The following GEMIN5 variants were observed in gnomAD, a reference collection of about 807,000 sequenced individuals.
The protein encoded by GEMIN5 is gem nuclear organelle associated protein 5, also known as gem-associated protein 5.
Under a neutral mutation model 176.9 loss-of-function variants are expected in GEMIN5, and 124 were observed. That is an observed-to-expected ratio of 0.70 (90% CI 0.61 to 0.81). The LOEUF (loss-of-function observed/expected upper bound fraction) is 0.81, where lower values mean the gene tolerates loss of function less well. Ranked by LOEUF, GEMIN5 falls within the 40% of genes least tolerant of loss-of-function variation. GEMIN5 has a pLI of 0.00. For missense variants in GEMIN5, 1,843 were observed against 1,814.6 expected, an observed-to-expected ratio of 1.02 and a Z score of -0.28; for synonymous variants, 673 against 665.2, an observed-to-expected ratio of 1.01 and a Z score of -0.18.
intron 24 of GEMIN5, 36 bp downstream of exon 24, chr5:154,896,056 A>G: frequency 6.2e-7 from 1 of 1,606,196 alleles, no homozygotes; most frequent in South Asian, 1.1e-5. Context: ...CTTACCACTG[A>G]GTGATTAATG....
Position 154,901,462 on chromosome 5 carries a change from G to A in GEMIN5, c.2891C>T (p.Ala964Val), listed in dbSNP as rs1434181787. 2.5e-6 allele frequency: 4 copies of A among 1,613,962 alleles called. No homozygotes were observed. The highest frequency in any genetic ancestry group is 3.4e-6 in the Non-Finnish European group (4 of 1,179,896). The part of the protein sequence containing the change: ...PAAGYHVWLW[A>V]VEAFAKQLCF... ...CAGCTGTTTGGCAAAAGCTTCCACA[G>A]CCCATAGCCACACATGGTAGCCAGC... Residue 964 changes from alanine to valine, a missense_variant, in exon 21 of 28, where the codon GCT becomes GTT. Coordinates refer to ENST00000285873, the MANE Select transcript of GEMIN5 (RefSeq NM_015465.5).
chr5:154,926,497 A>C (rs968387352), intron 7 of GEMIN5, among the ~76,000 whole-genome samples: 2 of 152,340 alleles, frequency 1.3e-5, no homozygotes, highest in East Asian at 1.9e-4. Context: ...AGGAGTGGTA[A>C]ATTTTTAATC....
chr5:154,909,678 T>C (rs776551131), intron 15 of GEMIN5, among the ~76,000 whole-genome samples: 4 of 152,152 alleles, frequency 2.6e-5, no homozygotes, highest in Non-Finnish European at 5.9e-5. Flanking sequence ...TAGTTTTGCC[T>C]GTTGAAGAAT....
At chr5:154,907,470 A>C in intron 16 of GEMIN5, 121 bp downstream of exon 16, 1 of 679,600 alleles carries the variant, frequency 1.5e-6, no homozygotes, top group Non-Finnish European at 2.5e-6. Flanking sequence ...AAAAAAAACT[A>C]ATGCTGTTTC....
Position 154,891,776 on chromosome 5 carries a change from A to G in GEMIN5, c.3761-34T>C, listed in dbSNP as rs958851880. Reference sequence around the variant, plus strand: ...AGAGGAAAAAGATACTGGGTCATGCATTTCTCTAGTTGCCAGAAATGTGGC... The same window carrying G: ...AGAGGAAAAAGATACTGGGTCATGCGTTTCTCTAGTTGCCAGAAATGTGGC... On this transcript the variant is annotated intron_variant, in intron 25 of 27. Transcript: ENST00000285873. 7 of 1,535,548 alleles carry G rather than the reference A, an allele frequency of 4.6e-6. No individual in the cohort carries two copies. The Admixed American group carries it at 1.3e-4, about 29-fold the overall frequency.
intron 24 of GEMIN5, among the ~76,000 whole-genome samples, chr5:154,895,822 C>T (rs769747536): frequency 6.6e-6 from 1 of 151,912 alleles, no homozygotes; most frequent in Non-Finnish European, 1.5e-5. Flanking sequence ...TGGGAGGTGG[C>T]GGCTGCAGTG....
In GEMIN5 at chr5:154,917,051, G is replaced by A. The variant is rs115321488; in HGVS notation, c.1802C>T (p.Ala601Val). The A allele has an allele frequency of 1.7e-4, 278 of 1,608,176 alleles. No individual in the cohort carries two copies. The African/African-American group carries it at 3.2e-3, about 18-fold the overall frequency. The change falls in exon 13 of 28, where the codon GCC becomes GTC. Residue 601 changes from alanine to valine, a missense_variant. Ala to Val is a moderately conservative substitution (Grantham distance 64). Coordinates refer to ENST00000285873, the MANE Select transcript of GEMIN5 (RefSeq NM_015465.5). ...AATGACTGCATTGTTGGAGCCAGAG[G>A]CCATCAGATAGCTCAATTCTGGCTG... is the stretch of plus-strand genomic sequence containing the variant. ...GSQPELSYLM[A>V]SGSNNAVIYV...
At chr5:154,912,305 A>T (rs1763718605) in intron 14 of GEMIN5, among the ~76,000 whole-genome samples, 1 of 152,114 alleles carries the variant, frequency 6.6e-6, no homozygotes, top group Admixed American at 6.6e-5. Context: ...TAATTGGCCA[A>T]TTTCCTTTCT....
Position 154,898,558 on chromosome 5 carries a change from G to A in GEMIN5, c.3227C>T (p.Ala1076Val), listed in dbSNP as rs780308853. The change falls in exon 23 of 28, where the codon GCC (alanine) becomes GTC (valine). Residue 1076 changes from alanine (A) to valine (V), a missense_variant. Ala to Val is a moderately conservative substitution (Grantham distance 64, BLOSUM62 0). Transcript: ENST00000285873. ...AGACAACTCATCCTCTCCTACGATGGCAGCCAACTCTGCAGCCGTTCTAAG... is the reference window on the plus strand; with the variant it reads ...AGACAACTCATCCTCTCCTACGATGACAGCCAACTCTGCAGCCGTTCTAAG... ...ASLRTAAELA[A>V]IVGEDELSAS... 5 of 1,613,910 alleles carry A rather than the reference G, an allele frequency of 3.1e-6. No homozygotes were observed. The highest frequency in any genetic ancestry group is 4.2e-6 in the Non-Finnish European group (5 of 1,179,922).
Position 154,892,546 on chromosome 5 carries a change from G to A in GEMIN5, c.3601C>T (p.Leu1201=), listed in dbSNP as rs1331779551. ...ATNNTPAKQL[L]LHICHDLTLA... ...GTCAAGTCATGGCAAATGTGAAGCA[G>A]GAGCTGGAGAGAGAAGCCAGAGTCT... The change falls in exon 25 of 28, where the codon CTG becomes TTG. Residue 1201 remains leucine, a synonymous_variant. Transcript: ENST00000285873. The A allele has an allele frequency of 1.2e-6, 2 of 1,613,398 alleles. No homozygotes were observed. Among genetic ancestry groups the A allele is most frequent in the African/African-American group, 2.7e-5 (2 of 74,942 alleles).
At chr5:154,893,603 T>C (rs1007814545) in intron 24 of GEMIN5, among the ~76,000 whole-genome samples, 20 of 152,222 alleles carry the variant, frequency 1.3e-4, no homozygotes, top group African/African-American at 4.8e-4. Flanking sequence ...CTGCAGGCGA[T>C]CTCCTGGCCC....
intron 16 of GEMIN5, among the ~76,000 whole-genome samples, chr5:154,907,174 A>G (rs1327038135): frequency 1.3e-5 from 2 of 152,174 alleles, no homozygotes; most frequent in Non-Finnish European, 2.9e-5. Context: ...AGGGGGTGAG[A>G]GCTTGCAAGT....
intron 15 of GEMIN5, among the ~76,000 whole-genome samples, chr5:154,910,799 C>T (rs972368484): frequency 7.9e-5 from 12 of 152,076 alleles, no homozygotes; most frequent in African/African-American, 1.4e-4. Context: ...CCTGGCTTCA[C>T]GCCATTCTCC....
intron 26 of GEMIN5, among the ~76,000 whole-genome samples, chr5:154,889,682 CCT>C (rs1229860803): frequency 3.3e-5 from 5 of 152,186 alleles, no homozygotes; most frequent in African/African-American, 7.2e-5. Flanking sequence ...TCCCTTAGCC[CCT>C]GTCAACATTA....
In GEMIN5 at chr5:154,913,957, C is replaced by T. The variant is rs112530144; in HGVS notation, c.1856-919G>A. ...TGGAGACTGTCATGAGCTATAACTG[C>T]ACCACTACACTCCACCCTGAACAAT... On this transcript the variant is annotated intron_variant, in intron 13 of 27. Transcript: ENST00000285873. 2.1e-3 allele frequency among the ~76,000 whole-genome samples: 320 copies of T among 152,254 alleles called. 1 individual carries two copies. The highest frequency in any genetic ancestry group is 7.2e-3 in the African/African-American group (301 of 41,548).
intron 15 of GEMIN5, among the ~76,000 whole-genome samples, chr5:154,910,302 T>C (rs2113480621): frequency 6.6e-6 from 1 of 152,182 alleles, no homozygotes; most frequent in East Asian, 1.9e-4. Context: ...AATATATTCT[T>C]TCATTTAAAA....
At chr5:154,936,854 A>G (rs540691051) in intron 2 of GEMIN5, among the ~76,000 whole-genome samples, 171 bp downstream of exon 2, 5 of 152,358 alleles carry the variant, frequency 3.3e-5, no homozygotes, top group South Asian at 2.1e-4. Flanking sequence ...TGGTTTGTAT[A>G]TATCTCCTTT....
intron 13 of GEMIN5, among the ~76,000 whole-genome samples, chr5:154,916,384 CAT>C (rs1201865456): frequency 1.3e-5 from 2 of 152,114 alleles, no homozygotes; most frequent in Admixed American, 6.5e-5. Context: ...TATATACTAA[CAT>C]GTATACATAT....
chr5:154,936,393 G>C (rs1764270231), intron 2 of GEMIN5, among the ~76,000 whole-genome samples: 2 of 4,220 alleles, frequency 4.7e-4, no homozygotes, highest in African/African-American at 1.5e-3. Flanking sequence ...CTCCAGCCTG[G>C]GCGACAGAGC....
Sources: gnomAD v4.1 joint callset for allele counts (sites outside exome capture counted in the v4.1 genomes callset) on GRCh38, gnomAD v4.1.1 for gene constraint, MANE v1.5 for transcripts, NCBI Gene and HGNC (gene_info 2026-07-23, HGNC 2026-07-21) for gene names.